Variants in KLHL29 observed in about 807,000 individuals in gnomAD.
The protein encoded by KLHL29 is kelch-like protein 29.
A neutral mutation model predicts 80.4 loss-of-function variants in KLHL29; 21 were observed. The observed-to-expected ratio is 0.26, with a 90% CI of 0.19 to 0.38. KLHL29 has a LOEUF of 0.38. Among genes scored for constraint, KLHL29 ranks in the 10% least tolerant of loss-of-function variants. KLHL29 has a pLI of 1.00. For synonymous variants in KLHL29, 511 were observed against 526.8 expected (o/e 0.97, Z 0.41); for missense variants, 867 against 1,223.9 (o/e 0.71, Z 4.35).
chr2:23,649,332 C>T (rs975326583), intron 5 of KLHL29, among the ~76,000 whole-genome samples: 2 of 152,212 alleles, frequency 1.3e-5, no homozygotes, highest in Non-Finnish European at 2.9e-5. Context: ...CTCGCCTGAG[C>T]TGTACCTGCC....
intron 2 of KLHL29, among the ~76,000 whole-genome samples, chr2:23,557,536 A>C (rs1383515753): frequency 6.6e-6 from 1 of 151,196 alleles, no homozygotes; most frequent in Non-Finnish European, 1.5e-5. Context: ...AGGGTGGGGG[A>C]CGGGAGTGGT....
intron 3 of KLHL29, among the ~76,000 whole-genome samples, chr2:23,599,740 C>T (rs917268102): frequency 1.3e-5 from 2 of 152,112 alleles, no homozygotes; most frequent in African/African-American, 2.4e-5. Flanking sequence ...TTTTCGGTTC[C>T]GTGGATAGGG....
chr2:23,434,278 G>A (rs143257100), intron 1 of KLHL29, among the ~76,000 whole-genome samples: 4,283 of 123,410 alleles, frequency 0.035, 73 homozygotes, highest in Non-Finnish European at 0.047. Context: ...CCGAGATTGC[G>A]CCACCGCACT....
chr2:23,590,947 T>A (rs1668243988), intron 3 of KLHL29, among the ~76,000 whole-genome samples: 1 of 152,128 alleles, frequency 6.6e-6, no homozygotes, highest in African/African-American at 2.4e-5. Flanking sequence ...GGAGCTCACA[T>A]GCTAATGGGT....
At chr2:23,404,700 C>G (rs1190158946) in intron 1 of KLHL29, among the ~76,000 whole-genome samples, 8 of 152,316 alleles carry the variant, frequency 5.3e-5, no homozygotes, top group Admixed American at 2.0e-4. Flanking sequence ...ATGTATGCTT[C>G]CACTTAATAC....
chr2:23,597,309 A>ATATGTGTGTGTGTGTGTGTG (rs1558402682), intron 3 of KLHL29, among the ~76,000 whole-genome samples: 1 of 100,522 alleles, frequency 9.9e-6, no homozygotes, highest in African/African-American at 4.1e-5. Context: ...ATATATATAT[A>ATATGTGTGTGTGTGTGTGTG]TGTGTGTGTG....
In KLHL29 at chr2:23,603,189, G is replaced by A. The variant is rs552023940; in HGVS notation, c.286-35950G>A. 2.6e-5 allele frequency among the ~76,000 whole-genome samples: 4 copies of A among 152,290 alleles called. No homozygotes were observed. In the East Asian group the frequency reaches 7.7e-4, roughly 29 times the overall value. On this transcript the variant is annotated intron_variant, in intron 3 of 13. Transcript: ENST00000486442. ...GAAGTGAAGTTGGACAGCCTTCCCT[G>A]GACCCTGGAACCGTGAGAAATGCCC... is the stretch of plus-strand genomic sequence containing the variant.
At chr2:23,643,107 C>G in intron 5 of KLHL29, 1 of 632,614 alleles carries the variant, frequency 1.6e-6, no homozygotes, top group East Asian at 2.9e-5. Flanking sequence ...GGAGAGCCTG[C>G]AAAGCCCAGA....
At chr2:23,515,530 C>G (rs11684307) in intron 2 of KLHL29, among the ~76,000 whole-genome samples, 1 of 152,220 alleles carries the variant, frequency 6.6e-6, no homozygotes, top group Non-Finnish European at 1.5e-5. Context: ...TTCCACAGCT[C>G]CTGTGTTTTT....
intron 2 of KLHL29, among the ~76,000 whole-genome samples, chr2:23,486,258 C>G (rs1368540872): frequency 6.6e-6 from 1 of 152,038 alleles, no homozygotes; most frequent in Non-Finnish European, 1.5e-5. Flanking sequence ...TTCATTTAGC[C>G]CCTCACCCCA....
chr2:23,398,987 G>T (rs1666524149), intron 1 of KLHL29, among the ~76,000 whole-genome samples: 1 of 152,218 alleles, frequency 6.6e-6, no homozygotes, highest in Non-Finnish European at 1.5e-5. Flanking sequence ...TGAGTGGTTG[G>T]ATGGCAAGCA....
At chr2:23,509,796 G>T (rs867241685) in intron 2 of KLHL29, among the ~76,000 whole-genome samples, 2 of 152,168 alleles carry the variant, frequency 1.3e-5, no homozygotes, top group Non-Finnish European at 2.9e-5. Context: ...TGTGACCCGG[G>T]GGGTGGTGGG....
chr2:23,636,167 G>A (rs908795856), intron 3 of KLHL29, among the ~76,000 whole-genome samples: 16 of 152,322 alleles, frequency 1.1e-4, no homozygotes, highest in African/African-American at 3.8e-4. Flanking sequence ...CTCTAGTCAG[G>A]CCGCGCTGAC....
chr2:23,420,154 G>A (rs185326753), intron 1 of KLHL29, among the ~76,000 whole-genome samples: 177 of 152,240 alleles, frequency 1.2e-3, no homozygotes, highest in African/African-American at 4.1e-3. Flanking sequence ...GTCCCCTCCT[G>A]TTCCCTCCTG....
Position 23,562,583 on chromosome 2 carries a change from C to G in KLHL29, c.285+102C>G. ...AGGCTCCTGTGGGGCAGCCTGTGCT[C>G]CACGCCCCGAGTCCTCCAGAGTCTT... On this transcript the variant is annotated intron_variant, in intron 3 of 13. Coordinates refer to ENST00000486442, the MANE Select transcript of KLHL29 (RefSeq NM_052920.2). The surrounding 1 kb of genome is among the most constrained non-coding windows in gnomAD (Gnocchi z 4.5). The G allele has an allele frequency of 8.3e-7, 1 of 1,205,550 alleles. No individual in the cohort carries two copies. The highest frequency in any genetic ancestry group is 1.1e-6 in the Non-Finnish European group (1 of 884,100). The allele number at this position is 1,205,550 out of a possible 1,614,324, so 74.7% of individuals were successfully genotyped here.
At chr2:23,615,934 C>T (rs1572440589) in intron 3 of KLHL29, among the ~76,000 whole-genome samples, 1 of 152,344 alleles carries the variant, frequency 6.6e-6, no homozygotes, top group South Asian at 2.1e-4. Flanking sequence ...CCCAGACCCC[C>T]TCTGCTTCTC....
At chr2:23,483,707 A>G (rs1664857759) in intron 2 of KLHL29, among the ~76,000 whole-genome samples, 1 of 152,190 alleles carries the variant, frequency 6.6e-6, no homozygotes, top group Non-Finnish European at 1.5e-5. Context: ...AGGTAGACAA[A>G]AAGGGGTTCT....
At chr2:23,660,595 C>A (rs2149169369) in intron 5 of KLHL29, among the ~76,000 whole-genome samples, 1 of 152,374 alleles carries the variant, frequency 6.6e-6, no homozygotes, top group South Asian at 2.1e-4. Context: ...ACAAGGGGCA[C>A]AGATAACTGT....
At chr2:23,467,284 C>G (rs534357839) in intron 1 of KLHL29, among the ~76,000 whole-genome samples, 2 of 152,340 alleles carry the variant, frequency 1.3e-5, no homozygotes, top group South Asian at 2.1e-4. Context: ...AGCCACTTAC[C>G]TACACACATT....
Sources: allele counts gnomAD v4.1 joint callset (sites outside exome capture counted in the v4.1 genomes callset), GRCh38; gene constraint gnomAD v4.1.1; non-coding constraint Gnocchi (gnomAD v3.1); transcripts MANE v1.5; gene names NCBI Gene and HGNC (gene_info 2026-07-23, HGNC 2026-07-21).